RHCG: variants seen among roughly 807,000 people sequenced by gnomAD.
RHCG encodes ammonium transporter Rh type C.
In RHCG, 39 loss-of-function variants were observed where a neutral mutation model predicts 55.3. The observed-to-expected ratio is 0.70, with a 90% confidence interval of 0.55 to 0.92. The LOEUF is 0.92. Among genes scored for constraint, RHCG ranks in the 40% least tolerant of loss-of-function variants. RHCG has a pLI of 0.00. For synonymous variants in RHCG, 250 were observed against 246.8 expected, an observed-to-expected ratio of 1.01 and a Z score of -0.12; for missense variants, 635 against 627.9, an observed-to-expected ratio of 1.01 and a Z score of -0.12.
chr15:89,496,020 G>A (rs889572829), intron 1 of RHCG, among the ~76,000 whole-genome samples: 1 of 152,178 alleles, frequency 6.6e-6, no homozygotes, highest in Admixed American at 6.5e-5. Context: ...TCTGGACAAG[G>A]GAGCCAGGTC....
chr15:89,495,910 A>C (rs751290531), intron 1 of RHCG, among the ~76,000 whole-genome samples: 2 of 152,106 alleles, frequency 1.3e-5, no homozygotes. Flanking sequence ...TTCCCTCTCC[A>C]AGCTAAAAGG....
chr15:89,494,046 C>A (rs541831697), intron 1 of RHCG, among the ~76,000 whole-genome samples: 1 of 151,740 alleles, frequency 6.6e-6, no homozygotes, highest in African/African-American at 2.4e-5. Context: ...AAACTCAAGG[C>A]CCTCCTTGAT....
chr15:89,495,429 C>T (rs1238107939), intron 1 of RHCG, among the ~76,000 whole-genome samples: 1 of 152,156 alleles, frequency 6.6e-6, no homozygotes, highest in East Asian at 1.9e-4. Context: ...ACTACATGAA[C>T]ACCACCGGCT....
At chr15:89,481,758 G>A (rs1445092607) in intron 3 of RHCG, among the ~76,000 whole-genome samples, 1 of 152,162 alleles carries the variant, frequency 6.6e-6, no homozygotes, top group Admixed American at 6.5e-5. Flanking sequence ...TTCAGTGGGT[G>A]AATGGTCTTC....
chr15:89,490,117 C>A (rs1403960854), intron 1 of RHCG, among the ~76,000 whole-genome samples: 1 of 152,256 alleles, frequency 6.6e-6, no homozygotes, highest in Non-Finnish European at 1.5e-5. Flanking sequence ...GCTGCAGCCC[C>A]CCTCCAGTCC....
At position 89,476,809 on chromosome 15, in the gene RHCG, T is replaced by C. The variant is rs1259372836; in HGVS notation, c.1257A>G (p.Pro419=). ...TCTCATCTGAAGGTTGTCCCCAGAA[T>C]GGTAATCTCAAAATGAGCCCTACAG... The part of the protein sequence containing the change: ...GIIVGLILRL[P]FWGQPSDENC... Residue 419 remains proline (P), a synonymous_variant, in exon 9 of 11, where the codon CCA becomes CCG. Coordinates refer to ENST00000268122, the MANE Select transcript of RHCG (RefSeq NM_016321.3). 2 of 1,614,136 alleles carry C rather than the reference T, an allele frequency of 1.2e-6. No homozygotes were observed. Among genetic ancestry groups the C allele is most frequent in the Non-Finnish European group, 1.7e-6 (2 of 1,179,972 alleles).
intron 3 of RHCG, 100 bp from the exon 4 acceptor site, chr15:89,480,508 C>A: frequency 2.1e-6 from 3 of 1,402,320 alleles, no homozygotes; most frequent in Non-Finnish European, 2.9e-6. Flanking sequence ...GAGCTCCAGC[C>A]TTCTCGGACT....
intron 4 of RHCG, chr15:89,479,837 G>A (rs1375723447): frequency 1.1e-5 from 4 of 378,178 alleles, no homozygotes; most frequent in African/African-American, 2.1e-5. Flanking sequence ...AGGAGCTCCT[G>A]GAGGGCAGGG....
In RHCG at chr15:89,477,645, C is replaced by T. The variant is rs1464939539; in HGVS notation, c.984G>A (p.Leu328=). The change falls in exon 7 of 11, where the codon CTG becomes CTA. Residue 328 remains leucine, a synonymous_variant. Transcript: ENST00000268122. This position sits in a 1 kb window ranked among gnomAD's most constrained non-coding sequence, Gnocchi z 4.5. ...TGTCCTGGATGTGCAGCCGGGACTC[C>T]AGGAATGGCTGGAGACGGGAGGTGG... is the stretch of plus-strand genomic sequence containing the variant. The part of the protein sequence containing the change: ...TLGFVYLTPF[L]ESRLHIQDTC... 1.2e-6 allele frequency: 2 copies of T among 1,613,862 alleles called. No individual in the cohort carries two copies. Among genetic ancestry groups the T allele is most frequent in the African/African-American group, 2.7e-5 (2 of 74,882 alleles).
chr15:89,479,637 T>C (rs1961228576), intron 4 of RHCG, 149 bp from the exon 5 acceptor site: 2 of 708,618 alleles, frequency 2.8e-6, no homozygotes, highest in African/African-American at 1.8e-5. Context: ...GCAGGGGCTC[T>C]TCCTGGAAGG....
chr15:89,486,595 A>AGT (rs750785557), intron 2 of RHCG: 3,707 of 321,022 alleles, frequency 0.012, 36 homozygotes, highest in East Asian at 0.028. Flanking sequence ...AGAGAGAGAG[A>AGT]GAGAGTGTGT....
intron 4 of RHCG, chr15:89,479,820 C>T (rs567898429): frequency 3.7e-5 from 15 of 402,242 alleles, no homozygotes; most frequent in South Asian, 1.5e-4. Context: ...TCTTCCACTA[C>T]GCTGTGAGGA....
chr15:89,494,194 C>T (rs1443695395), intron 1 of RHCG, among the ~76,000 whole-genome samples: 1 of 152,172 alleles, frequency 6.6e-6, no homozygotes. Flanking sequence ...TTCTCCCCTC[C>T]TCACCATCCA....
rs1414412182 is a variant in RHCG at position 89,477,894 on chromosome 15, G to A, written c.918C>T (p.Ala306=). ...AAEMMLMPYG[A]LIIGFVCGII... ...TGCCGCAGACGAAGCCGATGATGAG[G>A]GCACCGTAAGGCATGAGCATCATCT... The change falls in exon 6 of 11, where the codon GCC becomes GCT. Residue 306 remains alanine, a synonymous_variant. Transcript: ENST00000268122. This position sits in a 1 kb window ranked among gnomAD's most constrained non-coding sequence, Gnocchi z 4.5. 1 of 1,614,064 alleles carries A rather than the reference G, an allele frequency of 6.2e-7. No individual in the cohort carries two copies. Among genetic ancestry groups the A allele is most frequent in the South Asian group, 1.1e-5 (1 of 91,074 alleles).
rs1961061223 is a variant in RHCG at position 89,472,724 on chromosome 15, G to A, written c.*11C>T. ...GCCCATGCTCACCTGCTCCTCACCTGCCCTGGGAGCCTAGGGTACCAAGGG... is the reference window on the plus strand; with the variant it reads ...GCCCATGCTCACCTGCTCCTCACCTACCCTGGGAGCCTAGGGTACCAAGGG... On this transcript the variant is annotated 3_prime_UTR_variant, in exon 10 of 11. Transcript: ENST00000268122. 1 of 1,609,746 alleles carries A rather than the reference G, an allele frequency of 6.2e-7. No individual in the cohort carries two copies. The highest frequency in any genetic ancestry group is 8.5e-7 in the Non-Finnish European group (1 of 1,178,036).
intron 1 of RHCG, among the ~76,000 whole-genome samples, chr15:89,489,304 A>T (rs1392843837): frequency 1.3e-5 from 2 of 151,342 alleles, no homozygotes; most frequent in Non-Finnish European, 2.9e-5. Flanking sequence ...TTTAACTTTT[A>T]GTAGAGACAG....
At chr15:89,486,090 T>C (rs1010303639) in intron 2 of RHCG, among the ~76,000 whole-genome samples, 1 of 152,206 alleles carries the variant, frequency 6.6e-6, no homozygotes, top group Non-Finnish European at 1.5e-5. Context: ...CAAGTCATCA[T>C]AGAGAAGTCA....
chr15:89,492,720 A>T (rs1220885601), intron 1 of RHCG, among the ~76,000 whole-genome samples: 1 of 152,260 alleles, frequency 6.6e-6, no homozygotes, highest in Non-Finnish European at 1.5e-5. Flanking sequence ...GGCAAAAAGC[A>T]TTTTGTGATT....
At chr15:89,487,774 C>G (rs944151302) in intron 1 of RHCG, among the ~76,000 whole-genome samples, 8 of 152,218 alleles carry the variant, frequency 5.3e-5, no homozygotes, top group African/African-American at 1.9e-4. Flanking sequence ...AAAGAAGCAT[C>G]TAGCACAGTG....
Sources: gnomAD v4.1 joint callset for allele counts (sites outside exome capture counted in the v4.1 genomes callset) on GRCh38, gnomAD v4.1.1 for gene constraint, Gnocchi (gnomAD v3.1) non-coding constraint, MANE v1.5 for transcripts, NCBI Gene and HGNC (gene_info 2026-07-23, HGNC 2026-07-21) for gene names.